The following CDH9 variants were observed in gnomAD, a reference collection of about 807,000 sequenced individuals.
CDH9 encodes the protein cadherin-9.
A neutral mutation model predicts 70.9 loss-of-function variants in CDH9; 28 were observed. The observed-to-expected ratio is 0.40, with a 90% CI of 0.29 to 0.54. The LOEUF (loss-of-function observed/expected upper bound fraction) is 0.54, where lower values mean the gene tolerates loss of function less well. Ranked by LOEUF, CDH9 falls within the 20% of genes least tolerant of loss-of-function variation. The pLI is 0.59. For missense variants in CDH9, 874 were observed against 984.4 expected (o/e 0.89, Z 1.50); for synonymous variants, 409 against 343.1 (o/e 1.19, Z -2.12).
chr5:26,946,790 A>G (rs1398032168), intron 2 of CDH9, among the ~76,000 whole-genome samples: 2 of 152,168 alleles, frequency 1.3e-5, no homozygotes, highest in Admixed American at 6.6e-5. Flanking sequence ...GTAATAAAAG[A>G]ACAAGAATTG....
At chr5:27,000,192 C>T (rs537620100) in intron 1 of CDH9, among the ~76,000 whole-genome samples, 2 of 152,028 alleles carry the variant, frequency 1.3e-5, no homozygotes, top group South Asian at 4.1e-4. Flanking sequence ...AATAAGAATA[C>T]AAAAATATCA....
chr5:27,033,737 A>C (rs1037816445), intron 1 of CDH9, among the ~76,000 whole-genome samples: 1 of 151,666 alleles, frequency 6.6e-6, no homozygotes, highest in Non-Finnish European at 1.5e-5. Context: ...TCTAGAAATT[A>C]TGTAATAATA....
chr5:27,016,416 A>G (rs1465164499), intron 1 of CDH9, among the ~76,000 whole-genome samples: 2 of 151,866 alleles, frequency 1.3e-5, no homozygotes, highest in African/African-American at 4.8e-5. Context: ...ATTATTGTAC[A>G]TATTAGAGTA....
intron 1 of CDH9, among the ~76,000 whole-genome samples, chr5:27,009,279 G>T (rs1742917341): frequency 6.6e-6 from 1 of 152,118 alleles, no homozygotes; most frequent in South Asian, 2.1e-4. Context: ...TCTACATCAA[G>T]TTTAGAGGAA....
At chr5:26,903,519 G>T (rs764707569) in intron 6 of CDH9, 118 bp downstream of exon 6, 3 of 779,142 alleles carry the variant, frequency 3.9e-6, no homozygotes, top group African/African-American at 1.7e-5. Flanking sequence ...TTTATCTGAA[G>T]GATAGACAGC....
chr5:26,972,608 T>C (rs568857324), intron 2 of CDH9, among the ~76,000 whole-genome samples: 56 of 152,248 alleles, frequency 3.7e-4, no homozygotes, highest in African/African-American at 1.3e-3. Context: ...TGCCTACAAG[T>C]GGACATACGC....
intron 2 of CDH9, among the ~76,000 whole-genome samples, chr5:26,924,705 C>G (rs73073524): frequency 2.0e-5 from 3 of 151,870 alleles, no homozygotes. Context: ...CTACCCCAGC[C>G]GCCCATCCTA....
chr5:26,910,159 G>C (rs1741024021), intron 3 of CDH9, among the ~76,000 whole-genome samples: 1 of 151,916 alleles, frequency 6.6e-6, no homozygotes, highest in African/African-American at 2.4e-5. Context: ...TTTGAATCTA[G>C]TGTTTGAAAT....
intron 3 of CDH9, among the ~76,000 whole-genome samples, chr5:26,911,971 A>C (rs1741062875): frequency 6.6e-6 from 1 of 152,126 alleles, no homozygotes; most frequent in Non-Finnish European, 1.5e-5. Flanking sequence ...AGAAGAAACA[A>C]ATACTTTAAG....
chr5:26,926,914 A>C, intron 2 of CDH9, among the ~76,000 whole-genome samples: 1 of 111,624 alleles, frequency 9.0e-6, no homozygotes, highest in Non-Finnish European at 1.9e-5. Flanking sequence ...AGGCAAAAAT[A>C]CAGCCCCCCC....
chr5:27,008,001 T>C (rs1229218902), intron 1 of CDH9, among the ~76,000 whole-genome samples: 1 of 152,154 alleles, frequency 6.6e-6, no homozygotes, highest in East Asian at 1.9e-4. Flanking sequence ...GATAACTGTG[T>C]AATTTTACAT....
rs1170585525 is a variant in CDH9, at chr5:26,883,068, T to G, written c.1883-1445A>C. 2.4e-3 allele frequency among the ~76,000 whole-genome samples: 303 copies of G among 126,018 alleles called. 17 individuals carry two copies. Among genetic ancestry groups the G allele is most frequent in the East Asian group, 6.2e-3 (27 of 4,326 alleles). The allele number at this position is 126,018 out of a possible 152,430, so 82.7% of individuals were successfully genotyped here. On this transcript the variant is annotated intron_variant, in intron 11 of 11. Coordinates refer to ENST00000231021, the MANE Select transcript of CDH9 (RefSeq NM_016279.4). Reference sequence around the variant, plus strand: ...ATATATATATATATATATATATATATATATATATATATATATATATATATA... The same window carrying G: ...ATATATATATATATATATATATATAGATATATATATATATATATATATATA...
At chr5:27,035,676 GT>G (rs1743379347) in intron 1 of CDH9, among the ~76,000 whole-genome samples, 8 of 23,108 alleles carry the variant, frequency 3.5e-4, no homozygotes, top group African/African-American at 1.7e-3. Flanking sequence ...TGCTATTGAC[GT>G]GTGTGTGTGT....
chr5:27,024,429 C>A (rs10805794), intron 1 of CDH9, among the ~76,000 whole-genome samples: 53,316 of 151,894 alleles, frequency 0.35, 12,136 homozygotes, highest in Non-Finnish European at 0.5. Flanking sequence ...AACATCTTTT[C>A]AATCATTTAT....
intron 1 of CDH9, among the ~76,000 whole-genome samples, chr5:27,027,873 T>C (rs1310991055): frequency 3.3e-5 from 5 of 152,072 alleles, no homozygotes. Flanking sequence ...TTGTTGATCA[T>C]ACACGTTTCA....
chr5:26,947,961 A>G (rs746561711), intron 2 of CDH9, among the ~76,000 whole-genome samples: 1 of 152,118 alleles, frequency 6.6e-6, no homozygotes, highest in Non-Finnish European at 1.5e-5. Flanking sequence ...TGGATGATAA[A>G]ACTGTAATTG....
intron 2 of CDH9, among the ~76,000 whole-genome samples, chr5:26,980,875 C>A (rs900013336): frequency 6.6e-6 from 1 of 151,898 alleles, no homozygotes; most frequent in Non-Finnish European, 1.5e-5. Flanking sequence ...AAGATAAGGA[C>A]CAATTAATCT....
chr5:26,933,510 C>T (rs972116450), intron 2 of CDH9, among the ~76,000 whole-genome samples: 16 of 151,962 alleles, frequency 1.1e-4, no homozygotes, highest in African/African-American at 3.4e-4. Context: ...GGTGCACTGG[C>T]TCACGCCTGT....
intron 2 of CDH9, among the ~76,000 whole-genome samples, chr5:26,923,069 T>TAAAAAAAAAAAAAAAAAAAAAAAAA (rs56883597): frequency 1.1e-5 from 1 of 95,060 alleles, no homozygotes; most frequent in Non-Finnish European, 2.2e-5. Context: ...TTACATGAAT[T>TAAAAAAAAAAAAAAAAAAAAAAAAA]AAAAAAAAAA....
Sources: allele counts gnomAD v4.1 joint callset (sites outside exome capture counted in the v4.1 genomes callset), GRCh38; gene constraint gnomAD v4.1.1; transcripts MANE v1.5; gene names NCBI Gene and HGNC (gene_info 2026-07-23, HGNC 2026-07-21).